The following KIAA1217 variants were observed in gnomAD, a reference collection of about 807,000 sequenced individuals.
KIAA1217 encodes KIAA1217.
A neutral mutation model predicts 163.9 loss-of-function variants in KIAA1217; 88 were observed. The ratio of observed to expected loss-of-function variants is 0.54; its 90% CI spans 0.45 to 0.64. KIAA1217 has a LOEUF of 0.64. Ranked by LOEUF, KIAA1217 falls within the 30% of genes least tolerant of loss-of-function variation. KIAA1217 has a pLI of 0.00. For missense variants in KIAA1217, 2,372 were observed against 2,475.0 expected, an observed-to-expected ratio of 0.96 and a Z score of 0.88; for synonymous variants, 903 against 923.1, an observed-to-expected ratio of 0.98 and a Z score of 0.39.
At chr10:24,307,740 C>CTACT (rs1387713255) in intron 2 of KIAA1217, among the ~76,000 whole-genome samples, 2 of 152,090 alleles carry the variant, frequency 1.3e-5, no homozygotes, top group Non-Finnish European at 2.9e-5. Flanking sequence ...CGTGATTGTG[C>CTACT]TACTGCACTT....
intron 5 of KIAA1217, among the ~76,000 whole-genome samples, chr10:24,467,814 ATGTGTG>A (rs10672795): frequency 8.1e-5 from 12 of 148,472 alleles, no homozygotes; most frequent in Admixed American, 2.7e-4. Context: ...GTGTGTGTGT[ATGTGTG>A]TGTGTGTGTG....
At chr10:24,203,791 G>A (rs561164712), upstream of KIAA1217, among the ~76,000 whole-genome samples, 3 of 152,314 alleles carry the variant, frequency 2.0e-5, no homozygotes, top group African/African-American at 7.2e-5. Flanking sequence ...ATATGCCATG[G>A]TTTTGCTCCC....
intron 1 of KIAA1217, among the ~76,000 whole-genome samples, chr10:23,805,639 T>C (rs976568871): frequency 6.6e-6 from 1 of 152,152 alleles, no homozygotes; most frequent in Admixed American, 6.5e-5. Flanking sequence ...CAAGTTTGCC[T>C]ATGTAACAAA....
intron 14 of KIAA1217, among the ~76,000 whole-genome samples, chr10:24,531,342 C>A (rs1313222633): frequency 1.3e-5 from 2 of 152,180 alleles, no homozygotes; most frequent in Non-Finnish European, 2.9e-5. Context: ...CATTGACCTT[C>A]AGCAGAAACC....
At chr10:24,406,182 C>G (rs892634225) in intron 3 of KIAA1217, among the ~76,000 whole-genome samples, 12 of 152,148 alleles carry the variant, frequency 7.9e-5, no homozygotes, top group Admixed American at 7.9e-4. Flanking sequence ...AGCAACAATT[C>G]ACATTCAGAT....
In KIAA1217 at chr10:23,790,291, G is replaced by GCATATATACATATGCA. The variant is rs1554794736; in HGVS notation, c.-321+95062_-321+95063insATACATATGCACATAT. On this transcript the variant is annotated intron_variant, in intron 1 of 18. Transcript: ENST00000376462. ...TATGCACATATGCATATGCACATAT[G>GCATATATACATATGCA]CATATGCACATATGCATATATACAT... 1.1e-4 allele frequency among the ~76,000 whole-genome samples: 8 copies of GCATATATACATATGCA among 75,972 alleles called. 4 individuals carry two copies. Among genetic ancestry groups the GCATATATACATATGCA allele is most frequent in the African/African-American group, 3.6e-4 (6 of 16,528 alleles). The allele number at this position is 75,972 out of a possible 152,430, so 49.8% of individuals were successfully genotyped here.
chr10:23,775,453 C>T (rs1409960820), intron 1 of KIAA1217, among the ~76,000 whole-genome samples: 2 of 151,994 alleles, frequency 1.3e-5, no homozygotes, highest in East Asian at 3.9e-4. Flanking sequence ...TTCAGGTACC[C>T]TAAGTTGGAG....
intron 2 of KIAA1217, among the ~76,000 whole-genome samples, chr10:24,229,837 T>C (rs904717956): frequency 3.3e-5 from 5 of 152,106 alleles, no homozygotes; most frequent in African/African-American, 1.2e-4. Context: ...CCTAAACTTT[T>C]GGGAGGAAAG....
intron 13 of KIAA1217, among the ~76,000 whole-genome samples, chr10:24,527,102 T>A (rs900313755): frequency 1.3e-5 from 2 of 152,132 alleles, no homozygotes; most frequent in African/African-American, 4.8e-5. Flanking sequence ...ATTTTATGTA[T>A]AACTCTCTGT....
At chr10:24,494,838 TG>T in intron 7 of KIAA1217, 1 of 574,578 alleles carries the variant, frequency 1.7e-6, no homozygotes, top group Non-Finnish European at 3.1e-6. Context: ...AGAAGGTAAA[TG>T]GGCTTCCCAG....
chr10:24,249,495 G>A (rs2074234861), intron 2 of KIAA1217, among the ~76,000 whole-genome samples: 1 of 152,070 alleles, frequency 6.6e-6, no homozygotes, highest in African/African-American at 2.4e-5. Context: ...TTAGAAAAAT[G>A]GGCCAAGTTT....
At chr10:24,520,978 G>A (rs954585822) in intron 11 of KIAA1217, among the ~76,000 whole-genome samples, 6 of 148,756 alleles carry the variant, frequency 4.0e-5, no homozygotes, top group Non-Finnish European at 8.9e-5. Flanking sequence ...AATCGCCTGA[G>A]GCCAGGAGTT....
At chr10:23,724,160 A>C (rs1838012042) in intron 1 of KIAA1217, among the ~76,000 whole-genome samples, 1 of 152,138 alleles carries the variant, frequency 6.6e-6, no homozygotes, top group South Asian at 2.1e-4. Flanking sequence ...TGATCCAATC[A>C]CTTCTCACCA....
intron 2 of KIAA1217, among the ~76,000 whole-genome samples, chr10:24,259,346 C>CAT (rs1368891620): frequency 6.6e-6 from 1 of 152,262 alleles, no homozygotes; most frequent in East Asian, 1.9e-4. Context: ...AGATGTGGTT[C>CAT]ATATACCTGT....
intron 5 of KIAA1217, among the ~76,000 whole-genome samples, chr10:24,455,846 T>C (rs577616330): frequency 1.3e-5 from 2 of 152,302 alleles, no homozygotes; most frequent in Non-Finnish European, 2.9e-5. Flanking sequence ...CTGATCTGGG[T>C]TCAGAATGAT....
At position 24,195,855 on chromosome 10, in the gene KIAA1217, G is replaced by A. The variant is rs542662720; in HGVS notation, c.-170-23771G>A. On this transcript the variant is annotated intron_variant, in intron 2 of 18. Coordinates refer to the KIAA1217 transcript ENST00000376462. ...TTGAAAAAATATGTATTGGCTGGGCGCAGTGGCTCACGCCTGTAATCCCAG... is the reference window on the plus strand; with the variant it reads ...TTGAAAAAATATGTATTGGCTGGGCACAGTGGCTCACGCCTGTAATCCCAG... Among the ~76,000 whole-genome samples the A allele has an allele frequency of 4.6e-5, 7 of 152,302 alleles. No homozygotes were observed. In the South Asian group the frequency reaches 6.2e-4, roughly 14 times the overall value.
At chr10:24,390,067 G>T (rs2054635248) in intron 3 of KIAA1217, among the ~76,000 whole-genome samples, 1 of 152,168 alleles carries the variant, frequency 6.6e-6, no homozygotes, top group African/African-American at 2.4e-5. Context: ...TTACTGTGAA[G>T]ATTCAGCCCA....
At chr10:24,347,247 T>C (rs1197962114) in intron 2 of KIAA1217, among the ~76,000 whole-genome samples, 1 of 152,194 alleles carries the variant, frequency 6.6e-6, no homozygotes, top group East Asian at 1.9e-4. Context: ...TCGTGGTCAT[T>C]TTCAGGCCTC....
intron 3 of KIAA1217, among the ~76,000 whole-genome samples, chr10:24,402,720 G>A (rs543251182): frequency 1.3e-5 from 2 of 151,980 alleles, no homozygotes; most frequent in Non-Finnish European, 2.9e-5. Flanking sequence ...ACCCAAATAC[G>A]CCCACTTGGT....
Sources: gnomAD v4.1 joint callset for allele counts (sites outside exome capture counted in the v4.1 genomes callset) on GRCh38, gnomAD v4.1.1 for gene constraint, MANE v1.5 for transcripts, NCBI Gene and HGNC (gene_info 2026-07-23, HGNC 2026-07-21) for gene names.